The following ST6GALNAC5 variants were observed in gnomAD, a reference collection of about 807,000 sequenced individuals.
ST6GALNAC5 encodes alpha-N-acetylgalactosaminide alpha-2,6-sialyltransferase 5.
ST6GALNAC5 carries 27 observed loss-of-function variants against 33.6 expected under a neutral mutation model. The ratio of observed to expected loss-of-function variants is 0.80; its 90% CI spans 0.59 to 1.11. ST6GALNAC5 has a LOEUF of 1.11. ST6GALNAC5 is among the 50% of genes least tolerant of loss of function. The probability of loss-of-function intolerance (pLI) is 0.00; values close to 1 mark genes in which losing one functional copy is unlikely to be tolerated. For missense variants in ST6GALNAC5, 428 were observed against 454.0 expected, an observed-to-expected ratio of 0.94 and a Z score of 0.52; for synonymous variants, 194 against 171.2, an observed-to-expected ratio of 1.13 and a Z score of -1.04.
rs576241964 is a variant in ST6GALNAC5, at chr1:76,874,252, T to A, written c.261+5510T>A. On this transcript the variant is annotated intron_variant, in intron 2 of 4. Coordinates refer to ENST00000477717, the MANE Select transcript of ST6GALNAC5 (RefSeq NM_030965.3). ...AAGCAACTTCAAAGTGGCTTGATTT[T>A]AAATTCAAAATATTGTCTCTTTATG... Among the ~76,000 whole-genome samples the A allele has an allele frequency of 1.4e-3, 212 of 152,342 alleles. 3 individuals are homozygous for A. In the South Asian group the frequency reaches 0.021, roughly 15 times the overall value.
Position 76,973,780 on chromosome 1 carries a change from C to T in ST6GALNAC5, c.262-70424C>T, listed in dbSNP as rs571989665. Among the ~76,000 whole-genome samples, 4 of 152,180 alleles carry T rather than the reference C, an allele frequency of 2.6e-5. No individual in the cohort carries two copies. The South Asian group carries it at 8.3e-4, about 32-fold the overall frequency. ...CATGAAATGTTTCTTGTGTGTGTAA[C>T]CAGACTCAATTGTCCAAATATTGTG... On this transcript the variant is annotated intron_variant, in intron 2 of 4. Coordinates refer to ENST00000477717, the MANE Select transcript of ST6GALNAC5 (RefSeq NM_030965.3).
chr1:77,041,855 G>T (rs1210125256), intron 2 of ST6GALNAC5, among the ~76,000 whole-genome samples: 1 of 152,214 alleles, frequency 6.6e-6, no homozygotes, highest in Non-Finnish European at 1.5e-5. Context: ...CATCCACTGA[G>T]CCCAGTGCCC....
At chr1:76,920,610 T>C (rs1647024398) in intron 2 of ST6GALNAC5, among the ~76,000 whole-genome samples, 1 of 152,228 alleles carries the variant, frequency 6.6e-6, no homozygotes, top group Admixed American at 6.5e-5. Flanking sequence ...TTCCCACTCT[T>C]ACCTCCTTCT....
intron 4 of ST6GALNAC5, among the ~76,000 whole-genome samples, chr1:77,058,670 T>C (rs1337672340): frequency 1.3e-5 from 2 of 152,242 alleles, no homozygotes; most frequent in Non-Finnish European, 2.9e-5. Context: ...TTGGGTATTC[T>C]TTTCTAGCAA....
At chr1:76,945,145 A>G (rs1472923803) in intron 2 of ST6GALNAC5, among the ~76,000 whole-genome samples, 1 of 152,054 alleles carries the variant, frequency 6.6e-6, no homozygotes, top group East Asian at 1.9e-4. Flanking sequence ...GGCCTGATCT[A>G]TGAGTCATCT....
intron 3 of ST6GALNAC5, among the ~76,000 whole-genome samples, chr1:77,049,144 T>C (rs1293052616): frequency 6.6e-6 from 1 of 151,466 alleles, no homozygotes; most frequent in Non-Finnish European, 1.5e-5. Flanking sequence ...CCTCTCTCTA[T>C]TTTTTTTTCT....
chr1:76,991,421 G>T (rs549748494), intron 2 of ST6GALNAC5, among the ~76,000 whole-genome samples: 12 of 152,078 alleles, frequency 7.9e-5, no homozygotes, highest in Non-Finnish European at 1.8e-4. Flanking sequence ...GAATGCTAAG[G>T]CATAGGATTA....
At chr1:77,039,774 C>T (rs950980148) in intron 2 of ST6GALNAC5, among the ~76,000 whole-genome samples, 2 of 152,140 alleles carry the variant, frequency 1.3e-5, no homozygotes, top group East Asian at 1.9e-4. Context: ...TCCAAAGAAT[C>T]GGGGAGGCTG....
At position 77,055,594 on chromosome 1, in the gene ST6GALNAC5, A is replaced by C. The variant is rs528580502; in HGVS notation, c.779+5229A>C. Among the ~76,000 whole-genome samples, 10 of 152,366 alleles carry C rather than the reference A, an allele frequency of 6.6e-5. No homozygotes were observed. The East Asian group carries it at 1.4e-3, about 21-fold the overall frequency. On this transcript the variant is annotated intron_variant, in intron 4 of 4. Transcript: ENST00000477717. ...AATAGCAGAGCTGGAATTTGAATGC[A>C]GTCTGCAGGGCTCAAGAGCCAATGC... is the stretch of plus-strand genomic sequence containing the variant.
At chr1:77,005,453 C>T (rs184692093) in intron 2 of ST6GALNAC5, among the ~76,000 whole-genome samples, 3,917 of 152,338 alleles carry the variant, frequency 0.026, 60 homozygotes, top group Middle Eastern at 0.034. Flanking sequence ...CCGTCTTCTG[C>T]GTCGCTCACG....
intron 2 of ST6GALNAC5, among the ~76,000 whole-genome samples, chr1:76,876,166 G>C (rs1448725531): frequency 6.6e-6 from 1 of 152,192 alleles, no homozygotes; most frequent in Non-Finnish European, 1.5e-5. Flanking sequence ...TGATGGAAGA[G>C]GTCCAATATA....
At chr1:76,957,847 T>C (rs989014975) in intron 2 of ST6GALNAC5, among the ~76,000 whole-genome samples, 1 of 152,138 alleles carries the variant, frequency 6.6e-6, no homozygotes, top group African/African-American at 2.4e-5. Context: ...GATGGATTTT[T>C]CCCCCACAAA....
chr1:76,971,132 T>A (rs1648739788), intron 2 of ST6GALNAC5, among the ~76,000 whole-genome samples: 1 of 152,178 alleles, frequency 6.6e-6, no homozygotes. Context: ...ACTTTTTGTT[T>A]TGTTTAGATT....
chr1:76,933,763 C>CA (rs35621324), intron 2 of ST6GALNAC5, among the ~76,000 whole-genome samples: 1,851 of 66,590 alleles, frequency 0.028, 12 homozygotes, highest in African/African-American at 0.05. Context: ...TTTTCTCTGC[C>CA]AAAAAAAAAA....
intron 2 of ST6GALNAC5, among the ~76,000 whole-genome samples, chr1:76,995,149 G>A (rs1649880119): frequency 6.6e-6 from 1 of 152,136 alleles, no homozygotes; most frequent in South Asian, 2.1e-4. Context: ...TGTAATCCCA[G>A]CACTTTAGGA....
intron 2 of ST6GALNAC5, among the ~76,000 whole-genome samples, chr1:76,977,564 C>G (rs76556246): frequency 0.031 from 4,792 of 152,242 alleles, 99 homozygotes; most frequent in Middle Eastern, 0.051. Flanking sequence ...TGAGATCATG[C>G]AGTGTTTGTC....
chr1:76,911,423 G>A (rs1646910056), intron 2 of ST6GALNAC5, among the ~76,000 whole-genome samples: 1 of 152,052 alleles, frequency 6.6e-6, no homozygotes, highest in South Asian at 2.1e-4. Flanking sequence ...TTGTGTCTCT[G>A]CCCGGCTTTG....
rs754814149 is a variant in ST6GALNAC5, at chr1:77,044,221, C to T, written c.279C>T (p.Cys93=). The T allele has an allele frequency of 1.7e-5, 28 of 1,608,576 alleles. No individual in the cohort carries two copies. Among genetic ancestry groups the T allele is most frequent in the Middle Eastern group, 1.6e-4 (1 of 6,074 alleles). Residue 93 remains cysteine, a synonymous_variant, in exon 3 of 5, where the codon TGC becomes TGT. Transcript: ENST00000477717. ...VADHKPLKMH[C]RDCALVTSSG... is the part of the protein sequence containing the mutation. The stretch of plus-strand genomic sequence containing the variant: ...CCTTCCAGCCCCTGAAAATGCACTG[C>T]AGGGACTGTGCCCTGGTGACCAGCT...
rs908970481 is a variant in ST6GALNAC5, at chr1:77,004,726, G to T, written c.262-39478G>T. 2.5e-5 allele frequency among the ~76,000 whole-genome samples: 3 copies of T among 121,460 alleles called. 1 individual carries two copies. Among genetic ancestry groups the T allele is most frequent in the Non-Finnish European group, 3.9e-5 (2 of 51,650 alleles). 79.7% of individuals were successfully genotyped at this position (121,460 alleles called of 152,430 possible). On this transcript the variant is annotated intron_variant, in intron 2 of 4. Coordinates refer to ENST00000477717, the MANE Select transcript of ST6GALNAC5 (RefSeq NM_030965.3). ...CTTCTAACAGACAGGACCCTCAGCT[G>T]CAGGTCTGTTGGAATACCCTGCCGT...
Sources: allele counts gnomAD v4.1 joint callset (sites outside exome capture counted in the v4.1 genomes callset), GRCh38; gene constraint gnomAD v4.1.1; transcripts MANE v1.5; gene names NCBI Gene and HGNC (gene_info 2026-07-23, HGNC 2026-07-21).